The following ENOX1 variants were observed in gnomAD, a reference collection of about 807,000 sequenced individuals.
The protein encoded by ENOX1 is candidate growth-related and time keeping constitutive hydroquinone (NADH) oxidase.
In ENOX1, 42 loss-of-function variants were observed where a neutral mutation model predicts 82.5. The observed-to-expected ratio is 0.51, with a 90% CI of 0.40 to 0.66. The LOEUF (loss-of-function observed/expected upper bound fraction) is 0.66, where lower values mean the gene tolerates loss of function less well. Ranked by LOEUF, ENOX1 falls within the 30% of genes least tolerant of loss-of-function variation. The pLI is 0.00. For missense variants in ENOX1, 608 were observed against 811.6 expected, an observed-to-expected ratio of 0.75 and a Z score of 3.05; for synonymous variants, 271 against 282.2, an observed-to-expected ratio of 0.96 and a Z score of 0.40.
intron 3 of ENOX1, among the ~76,000 whole-genome samples, chr13:43,426,487 T>A (rs1471329304): frequency 3.3e-5 from 5 of 152,152 alleles, no homozygotes; most frequent in Non-Finnish European, 7.3e-5. Flanking sequence ...CATTATTACT[T>A]TTTTTTCGTT....
At chr13:43,626,636 T>C (rs1163566524) in intron 2 of ENOX1, among the ~76,000 whole-genome samples, 1 of 151,914 alleles carries the variant, frequency 6.6e-6, no homozygotes, top group Non-Finnish European at 1.5e-5. Flanking sequence ...TAGCTTGATT[T>C]ATTTGGATCA....
At chr13:43,330,464 T>C (rs1167209091) in intron 9 of ENOX1, among the ~76,000 whole-genome samples, 1 of 152,090 alleles carries the variant, frequency 6.6e-6, no homozygotes, top group Non-Finnish European at 1.5e-5. Flanking sequence ...GTAAAGGGAA[T>C]TTTTTTTCTT....
intron 1 of ENOX1, among the ~76,000 whole-genome samples, chr13:43,697,748 G>A (rs1241024984): frequency 6.6e-6 from 1 of 152,200 alleles, no homozygotes; most frequent in African/African-American, 2.4e-5. Flanking sequence ...TTTGCTGGAA[G>A]GATACAGGAT....
At chr13:43,366,717 C>T (rs1290891347) in intron 5 of ENOX1, among the ~76,000 whole-genome samples, 1 of 152,036 alleles carries the variant, frequency 6.6e-6, no homozygotes, top group Non-Finnish European at 1.5e-5. Flanking sequence ...GTGTGGAGAC[C>T]TCAAGTCTGC....
chr13:43,774,481 A>AT (rs1381192542), intron 1 of ENOX1, among the ~76,000 whole-genome samples: 1 of 150,004 alleles, frequency 6.7e-6, no homozygotes, highest in Non-Finnish European at 1.5e-5. Context: ...CACGTGATTG[A>AT]TTTTTTCCAA....
At chr13:43,773,012 T>C (rs535342527) in intron 1 of ENOX1, among the ~76,000 whole-genome samples, 10 of 152,182 alleles carry the variant, frequency 6.6e-5, no homozygotes, top group Non-Finnish European at 1.0e-4. Context: ...ATCCTATGAC[T>C]CTATCCTGGA....
intron 5 of ENOX1, among the ~76,000 whole-genome samples, chr13:43,380,847 CAAGAA>C (rs2051992298): frequency 6.6e-6 from 1 of 151,602 alleles, no homozygotes; most frequent in Non-Finnish European, 1.5e-5. Flanking sequence ...GTCAATTTAA[CAAGAA>C]AATATAACAA....
At chr13:43,233,076 G>A (rs1040937110) in intron 15 of ENOX1, among the ~76,000 whole-genome samples, 1 of 152,082 alleles carries the variant, frequency 6.6e-6, no homozygotes, top group African/African-American at 2.4e-5. Context: ...AATCCAACAT[G>A]CAGGCCATAT....
At chr13:43,701,007 TA>T in intron 1 of ENOX1, among the ~76,000 whole-genome samples, 1 of 152,286 alleles carries the variant, frequency 6.6e-6, no homozygotes, top group Non-Finnish European at 1.5e-5. Context: ...TTATCAGCAT[TA>T]TTTTCTACAA....
chr13:43,482,653 G>GAA (rs59362618), intron 3 of ENOX1, among the ~76,000 whole-genome samples: 51,345 of 149,840 alleles, frequency 0.34, 11,002 homozygotes, highest in Non-Finnish European at 0.49. Context: ...CACAATAAAT[G>GAA]AAAAAAAAAA....
chr13:43,546,047 A>G (rs1185542080), intron 2 of ENOX1: 1 of 152,248 alleles, frequency 6.6e-6, no homozygotes, highest in African/African-American at 2.4e-5. Context: ...TAAAACGTTC[A>G]GTGTTAATTG....
At chr13:43,487,354 CAGAG>C (rs1383348208) in intron 2 of ENOX1, among the ~76,000 whole-genome samples, 2 of 152,088 alleles carry the variant, frequency 1.3e-5, no homozygotes, top group East Asian at 3.9e-4. Context: ...TATAAGTAAA[CAGAG>C]AGACATGATT....
chr13:43,328,902 G>A (rs1230457546), intron 9 of ENOX1, among the ~76,000 whole-genome samples: 1 of 152,172 alleles, frequency 6.6e-6, no homozygotes. Context: ...ATATGATCAA[G>A]GCCCAGTCTT....
At chr13:43,711,326 G>A (rs150673946) in intron 1 of ENOX1, among the ~76,000 whole-genome samples, 1,927 of 152,094 alleles carry the variant, frequency 0.013, 41 homozygotes, top group African/African-American at 0.043. Flanking sequence ...ACCGTTGTTC[G>A]ACATTTGGGT....
chr13:43,784,683 A>G (rs1952467651), intron 1 of ENOX1, among the ~76,000 whole-genome samples: 1 of 152,230 alleles, frequency 6.6e-6, no homozygotes, highest in African/African-American at 2.4e-5. Context: ...GTCCCTGGGG[A>G]ACAACAGTCA....
At position 43,412,066 on chromosome 13, in the gene ENOX1, A is replaced by G; in HGVS notation, c.71-13T>C. ...AAACCATCGGCTGCTGTGGGGAAAA[A>G]CAAACCATGATTTAGAGTCCATAGG... On this transcript the variant is annotated splice_polypyrimidine_tract_variant and intron_variant, in intron 4 of 16. Coordinates refer to ENST00000690772, the MANE Select transcript of ENOX1 (RefSeq NM_001347969.2). The G allele has an allele frequency of 6.2e-7, 1 of 1,612,470 alleles. No individual in the cohort carries two copies. The highest frequency in any genetic ancestry group is 8.5e-7 in the Non-Finnish European group (1 of 1,178,648).
intron 16 of ENOX1, among the ~76,000 whole-genome samples, chr13:43,216,689 C>A (rs540937089): frequency 6.6e-6 from 1 of 152,286 alleles, no homozygotes; most frequent in South Asian, 2.1e-4. Context: ...AACACACAGG[C>A]CGAGGTGCCT....
At chr13:43,394,354 A>T (rs2052999509) in intron 5 of ENOX1, among the ~76,000 whole-genome samples, 1 of 152,218 alleles carries the variant, frequency 6.6e-6, no homozygotes, top group Admixed American at 6.5e-5. Context: ...GTTCTTCATT[A>T]GGCAAGGAAA....
intron 2 of ENOX1, chr13:43,548,145 T>C (rs2079045229): frequency 6.6e-6 from 1 of 152,214 alleles, no homozygotes; most frequent in Non-Finnish European, 1.5e-5. Flanking sequence ...TTCCTGATTA[T>C]TTGAACACAT....
Sources: allele counts gnomAD v4.1 joint callset (sites outside exome capture counted in the v4.1 genomes callset), GRCh38; gene constraint gnomAD v4.1.1; transcripts MANE v1.5; gene names NCBI Gene and HGNC (gene_info 2026-07-23, HGNC 2026-07-21).